MCM3: variants seen among roughly 807,000 people sequenced by gnomAD.
The protein encoded by MCM3 is DNA replication licensing factor MCM3.
A neutral mutation model predicts 91.3 loss-of-function variants in MCM3; 59 were observed. The observed-to-expected ratio is 0.65, with a 90% CI of 0.52 to 0.80. The LOEUF is 0.80. MCM3 is among the 30% of genes least tolerant of loss of function. The pLI is 0.00. For synonymous variants in MCM3, 383 were observed against 379.6 expected, an observed-to-expected ratio of 1.01 and a Z score of -0.10; for missense variants, 919 against 1,035.4, an observed-to-expected ratio of 0.89 and a Z score of 1.54.
chr6:52,264,878 C>T (rs1764520689), intron 16 of MCM3, 92 bp from the exon 17 acceptor site: 2 of 1,034,780 alleles, frequency 1.9e-6, no homozygotes, highest in Non-Finnish European at 3.0e-6. Context: ...AGTATTAATA[C>T]AGTAGAGGCG....
intron 2 of MCM3, among the ~76,000 whole-genome samples, chr6:52,283,062 A>G (rs1766269909): frequency 6.6e-6 from 1 of 152,002 alleles, no homozygotes; most frequent in Admixed American, 6.6e-5. Flanking sequence ...CAACTTATCA[A>G]AGATATAAAA....
At chr6:52,272,720 C>A (rs2294829) in intron 11 of MCM3, among the ~76,000 whole-genome samples, 92,931 of 152,164 alleles carry the variant, frequency 0.61, 28,580 homozygotes, top group East Asian at 0.71. Flanking sequence ...CAGAGAAGCT[C>A]AAGTTGACTA....
At position 52,273,256 on chromosome 6, in the gene MCM3, G is replaced by C. The variant is rs1447265146; in HGVS notation, c.1650C>G (p.Asn550Lys). Residue 550 changes from asparagine to lysine, a missense_variant, in exon 11 of 17, where the codon AAC (asparagine) becomes AAG (lysine). Around this residue, in one of 3 missense-constraint regions of MCM3, gnomAD observed 233 missense variants for 321.2 expected, o/e 0.73. Transcript: ENST00000596288. ...TTTTCTTCTTGGTCCCATGTAGAAG[G>C]TTGTCATGCTTCTCATAAATCTGGG... ...QDTQIYEKHD[N>K]LLHGTKKKKE... 1 of 1,614,184 alleles carries C rather than the reference G, an allele frequency of 6.2e-7. No individual in the cohort carries two copies. Among genetic ancestry groups the C allele is most frequent in the South Asian group, 1.1e-5 (1 of 91,086 alleles).
At chr6:52,282,252 C>CTA in intron 3 of MCM3, 77 bp from the exon 4 acceptor site, 1 of 1,302,038 alleles carries the variant, frequency 7.7e-7, no homozygotes. Context: ...ATATGCAAGC[C>CTA]TATAATGACT....
chr6:52,283,207 A>C, intron 2 of MCM3, 87 bp downstream of exon 2: 1 of 1,071,914 alleles, frequency 9.3e-7, no homozygotes, highest in Non-Finnish European at 1.4e-6. Context: ...GTTTCATACA[A>C]GTCCTCTCCT....
chr6:52,278,166 A>G (rs1765761114), intron 6 of MCM3, among the ~76,000 whole-genome samples: 1 of 152,058 alleles, frequency 6.6e-6, no homozygotes, highest in Non-Finnish European at 1.5e-5. Flanking sequence ...TTCTAAGACA[A>G]ATTACACTAT....
intron 12 of MCM3, among the ~76,000 whole-genome samples, chr6:52,270,969 T>C (rs1004958646): frequency 2.0e-5 from 3 of 152,146 alleles, no homozygotes; most frequent in Non-Finnish European, 2.9e-5. Context: ...TCCCAGCACT[T>C]TGGAAGGCCG....
chr6:52,284,695 C>T lies in MCM3; in HGVS notation c.-21G>A, dbSNP rs1766493669. On this transcript the variant is annotated 5_prime_UTR_variant, in exon 1 of 17. Coordinates refer to ENST00000596288, the MANE Select transcript of MCM3 (RefSeq NM_002388.6). ...GCCATGCCCGCTGCCAAAGAACTACCTCCACCAAAGTCGCGTGGAGGTTCC... is the reference window on the plus strand; with the variant it reads ...GCCATGCCCGCTGCCAAAGAACTACTTCCACCAAAGTCGCGTGGAGGTTCC... 1.2e-6 allele frequency: 2 copies of T among 1,601,670 alleles called. No individual in the cohort carries two copies. Among genetic ancestry groups the T allele is most frequent in the Admixed American group, 1.7e-5 (1 of 57,950 alleles).
At chr6:52,270,344 AAG>A (rs1387547564) in intron 12 of MCM3, among the ~76,000 whole-genome samples, 3 of 150,684 alleles carry the variant, frequency 2.0e-5, no homozygotes, top group Non-Finnish European at 4.4e-5. Flanking sequence ...AAAAAAAAAA[AAG>A]AAAAAAAAAG....
intron 3 of MCM3, 150 bp downstream of exon 3, chr6:52,282,503 T>A: frequency 1.5e-6 from 1 of 664,022 alleles, no homozygotes; most frequent in East Asian, 2.7e-5. Flanking sequence ...CCCCCAATCA[T>A]TGTACACACT....
At position 52,276,326 on chromosome 6, in the gene MCM3, T is replaced by G. The variant is rs1466197448; in HGVS notation, c.1316A>C (p.His439Pro). 6.2e-7 allele frequency: 1 copy of G among 1,613,518 alleles called. No homozygotes were observed. The highest frequency in any genetic ancestry group is 8.5e-7 in the Non-Finnish European group (1 of 1,180,028). ...ACTGCAGCGGGCATTCAGCCGAGCA[T>G]GGATGCCAGCCTTGGCAATGGTCAC... Reference protein sequence around the residue: ...GRVTIAKAGIHARLNARCSVL... With the variant: ...GRVTIAKAGIPARLNARCSVL... The change falls in exon 9 of 17, where the codon CAT becomes CCT. Residue 439 changes from histidine to proline, a missense_variant. Physicochemically the swap from His to Pro is moderately conservative, Grantham distance 77. Around this residue, in one of 3 missense-constraint regions of MCM3, gnomAD observed 233 missense variants for 321.2 expected, o/e 0.73. Coordinates refer to ENST00000596288, the MANE Select transcript of MCM3 (RefSeq NM_002388.6).
chr6:52,278,171 C>T (rs1765761942), intron 6 of MCM3, among the ~76,000 whole-genome samples: 1 of 146,648 alleles, frequency 6.8e-6, no homozygotes. Context: ...AGACAAATTA[C>T]ACTATCAGGC....
Position 52,276,313 on chromosome 6 carries a change from A to T in MCM3, c.1329T>A (p.Asn443Lys). ...CAGCTGCCAAAACACTGCAGCGGGC[A>T]TTCAGCCGAGCATGGATGCCAGCCT... ...IAKAGIHARLNARCSVLAAAN... is the reference protein window; with the variant it reads ...IAKAGIHARLKARCSVLAAAN... Residue 443 changes from asparagine to lysine, a missense_variant, in exon 9 of 17, where the codon AAT (asparagine) becomes AAA (lysine). Coordinates refer to ENST00000596288, the MANE Select transcript of MCM3 (RefSeq NM_002388.6). 6.2e-7 allele frequency: 1 copy of T among 1,613,090 alleles called. No homozygotes were observed. Among genetic ancestry groups the T allele is most frequent in the Non-Finnish European group, 8.5e-7 (1 of 1,179,980 alleles).
Position 52,279,499 on chromosome 6 carries a change from C to A in MCM3, c.632G>T (p.Gly211Val). ...GACGTCCACAGAGCGGGGGAGCTGG[C>A]CGGCTGGGGCCTTCTCCGGCATCTC... ...IQEMPEKAPA[G>V]QLPRSVDVIL... The change falls in exon 5 of 17, where the codon GGC (glycine) becomes GTC (valine). Residue 211 changes from glycine (G) to valine (V), a missense_variant. Physicochemically the swap from Gly to Val is moderately radical, Grantham distance 109. Transcript: ENST00000596288. 6.2e-7 allele frequency: 1 copy of A among 1,614,168 alleles called. No individual in the cohort carries two copies. The highest frequency in any genetic ancestry group is 8.5e-7 in the Non-Finnish European group (1 of 1,180,030).
intron 9 of MCM3, among the ~76,000 whole-genome samples, chr6:52,275,132 T>C (rs9370108): frequency 0.67 from 101,654 of 151,954 alleles, 34,352 homozygotes; most frequent in East Asian, 0.84. Flanking sequence ...TGTGGAGCCC[T>C]TCTAAACCAT....
In MCM3 at chr6:52,284,628, T is replaced by C. The variant is rs1456679007; in HGVS notation, c.47A>G (p.Gln16Arg). ...GTCCAGGAAGTCCAGGTAATCTCTC[T>C]GAGCCTCCCGCAGCTCCACATCGTC... ...VLDDVELREA[Q>R]RDYLDFLDDE... Residue 16 changes from glutamine (Q) to arginine (R), a missense_variant, in exon 1 of 17, where the codon CAG (glutamine) becomes CGG (arginine). Physicochemically the swap from Gln to Arg is conservative, Grantham distance 43. Coordinates refer to ENST00000596288, the MANE Select transcript of MCM3 (RefSeq NM_002388.6). The C allele has an allele frequency of 1.2e-6, 2 of 1,608,200 alleles. No individual in the cohort carries two copies. Among genetic ancestry groups the C allele is most frequent in the African/African-American group, 1.3e-5 (1 of 74,842 alleles).
intron 4 of MCM3, among the ~76,000 whole-genome samples, chr6:52,281,652 C>G (rs1421830840): frequency 1.3e-5 from 2 of 151,856 alleles, no homozygotes. Context: ...TGCACTCCAG[C>G]CTGAGAGAGA....
chr6:52,281,146 T>C (rs145840055), intron 4 of MCM3, among the ~76,000 whole-genome samples: 3 of 152,356 alleles, frequency 2.0e-5, no homozygotes, highest in East Asian at 3.9e-4. Context: ...AAACCTTGCA[T>C]TGTCCTCAAT....
chr6:52,284,677 C>G lies in MCM3; in HGVS notation c.-3G>C, dbSNP rs747933590. 6 of 1,606,946 alleles carry G rather than the reference C, an allele frequency of 3.7e-6. No homozygotes were observed. The South Asian group carries it at 6.7e-5, about 18-fold the overall frequency. On this transcript the variant is annotated 5_prime_UTR_variant, in exon 1 of 17. Transcript: ENST00000596288. ...TCCAGCACCACGGTACCCGCCATGC[C>G]CGCTGCCAAAGAACTACCTCCACCA... is the stretch of plus-strand genomic sequence containing the variant.
Sources: gnomAD v4.1 joint callset for allele counts (sites outside exome capture counted in the v4.1 genomes callset) on GRCh38, gnomAD v4.1.1 for gene constraint, gnomAD v4.1.1 regional missense constraint, MANE v1.5 for transcripts, NCBI Gene and HGNC (gene_info 2026-07-23, HGNC 2026-07-21) for gene names.